The following EPRS1 variants were observed in gnomAD, a reference collection of about 807,000 sequenced individuals.
EPRS1 encodes glutamyl-prolyl-tRNA synthetase 1.
In EPRS1, 107 loss-of-function variants were observed where a neutral mutation model predicts 188.3. The observed-to-expected ratio is 0.57, with a 90% confidence interval of 0.49 to 0.67. EPRS1 has a LOEUF of 0.67. Among genes scored for constraint, EPRS1 ranks in the 30% least tolerant of loss-of-function variants. EPRS1 has a pLI of 0.00. For synonymous variants in EPRS1, 596 were observed against 593.1 expected (o/e 1.00, Z -0.07); for missense variants, 1,577 against 1,802.2 (o/e 0.88, Z 2.26).
chr1:219,991,581 T>A (rs949846048), intron 18 of EPRS1, among the ~76,000 whole-genome samples: 8 of 152,146 alleles, frequency 5.3e-5, no homozygotes, highest in Non-Finnish European at 1.0e-4. Context: ...CTAAGTAAAC[T>A]AGAAGTTCAC....
At chr1:219,982,173 A>G (rs1006856875) in intron 23 of EPRS1, among the ~76,000 whole-genome samples, 6 of 152,228 alleles carry the variant, frequency 3.9e-5, no homozygotes, top group Non-Finnish European at 8.8e-5. Context: ...CTACAGATGA[A>G]TGATCACTTT....
At chr1:220,009,604 T>C (rs1476970256) in intron 13 of EPRS1, among the ~76,000 whole-genome samples, 1 of 151,856 alleles carries the variant, frequency 6.6e-6, no homozygotes, top group Admixed American at 6.6e-5. Context: ...GAAGGATCAC[T>C]TGAGACCAAG....
chr1:219,988,524 C>T (rs1383941413), intron 19 of EPRS1, 66 bp downstream of exon 19: 1 of 1,085,666 alleles, frequency 9.2e-7, no homozygotes, highest in Non-Finnish European at 1.4e-6. Flanking sequence ...GCACAAAACA[C>T]TTGAGGCAAA....
At position 220,046,474 on chromosome 1, in the gene EPRS1, G is replaced by T. The variant is rs1291048859; in HGVS notation, c.-86C>A. On this transcript the variant is annotated 5_prime_UTR_variant, in exon 1 of 32. Coordinates refer to ENST00000366923, the MANE Select transcript of EPRS1 (RefSeq NM_004446.3). ...CCCCGCGAAAGGAAGAAGATGCAAC[G>T]TGTGCGCGTACCCGACGCCGCCGCA... is the stretch of plus-strand genomic sequence containing the variant. 3.8e-6 allele frequency: 6 copies of T among 1,568,114 alleles called. No homozygotes were observed. Among genetic ancestry groups the T allele is most frequent in the Non-Finnish European group, 5.2e-6 (6 of 1,158,514 alleles).
intron 18 of EPRS1, among the ~76,000 whole-genome samples, chr1:219,994,557 AGAC>A (rs1326118040): frequency 1.3e-5 from 2 of 152,052 alleles, no homozygotes; most frequent in Non-Finnish European, 2.9e-5. Flanking sequence ...GAAAAAATGA[AGAC>A]AACAACAACA....
In EPRS1 at chr1:220,006,290, G is replaced by A. The variant is rs928133148; in HGVS notation, c.1766C>T (p.Ser589Phe). ...IHKNADGKII[S>F]LDAKLNLENK... is the part of the protein sequence containing the mutation. ...TTCCAAATTCAACTTTGCATCAAGA[G>A]ATATGATTTTTCCATCTGCATTTCT... The change falls in exon 15 of 32, where the codon TCT becomes TTT. Residue 589 changes from serine (S) to phenylalanine (F), a missense_variant. Physicochemically the swap from Ser to Phe is radical, Grantham distance 155. This residue lies in a region of EPRS1 where 1,278 missense variants were observed against 1,457.4 expected (regional missense o/e 0.88). Coordinates refer to ENST00000366923, the MANE Select transcript of EPRS1 (RefSeq NM_004446.3). 2.6e-6 allele frequency: 4 copies of A among 1,563,454 alleles called. No individual in the cohort carries two copies. Among genetic ancestry groups the A allele is most frequent in the East Asian group, 4.6e-5 (2 of 43,144 alleles).
At chr1:219,990,449 C>T (rs2102570104) in intron 18 of EPRS1, among the ~76,000 whole-genome samples, 1 of 152,172 alleles carries the variant, frequency 6.6e-6, no homozygotes, top group Admixed American at 6.5e-5. Flanking sequence ...TAGTCTGTGC[C>T]AGACACTACA....
chr1:220,046,178 C>T (rs1662398707), intron 1 of EPRS1, among the ~76,000 whole-genome samples, 165 bp downstream of exon 1: 1 of 152,086 alleles, frequency 6.6e-6, no homozygotes, highest in Admixed American at 6.5e-5. Flanking sequence ...GGACACGGGG[C>T]GAGGGGTGCG....
chr1:219,973,750 C>T (rs1351507257), intron 28 of EPRS1, among the ~76,000 whole-genome samples: 1 of 152,164 alleles, frequency 6.6e-6, no homozygotes, highest in Non-Finnish European at 1.5e-5. Context: ...CTACAAGCCA[C>T]TGAGGGGATC....
At chr1:220,015,597 T>C (rs1169160215) in intron 12 of EPRS1, among the ~76,000 whole-genome samples, 1 of 152,182 alleles carries the variant, frequency 6.6e-6, no homozygotes, top group Admixed American at 6.5e-5. Context: ...GTTTCTAGAC[T>C]GGAAGTCACA....
In EPRS1 at chr1:220,022,399, T is replaced by C; in HGVS notation, c.1063A>G (p.Thr355Ala). 7 of 1,614,124 alleles carry C rather than the reference T, an allele frequency of 4.3e-6. No homozygotes were observed. The highest frequency in any genetic ancestry group is 1.1e-5 in the South Asian group (1 of 91,076). Residue 355 changes from threonine (T) to alanine (A), a missense_variant, in exon 9 of 32, where the codon ACC (threonine) becomes GCC (alanine). Coordinates refer to ENST00000366923, the MANE Select transcript of EPRS1 (RefSeq NM_004446.3). Reference protein sequence around the residue: ...SSNNGCMRDPTLYRCKIQPHP... With the variant: ...SSNNGCMRDPALYRCKIQPHP... Reference sequence around the variant, plus strand: ...GGTTGAATTTTGCAGCGATAAAGGGTTGGATCTCTCATGCATCCATTGTTA... The same window carrying C: ...GGTTGAATTTTGCAGCGATAAAGGGCTGGATCTCTCATGCATCCATTGTTA...
In EPRS1 at chr1:219,978,691, T is replaced by C. The variant is rs750549440; in HGVS notation, c.3938A>G (p.Asn1313Ser). ...QVVIIPCGITNALSEEDKEAL... is the reference protein window; with the variant it reads ...QVVIIPCGITSALSEEDKEAL... ...TTCTTTGTCTTCTTCAGAAAGTGCA[T>C]TGGTAATGCCACAAGGAATAATCAC... The change falls in exon 28 of 32, where the codon AAT (asparagine) becomes AGT (serine). Residue 1313 changes from asparagine to serine, a missense_variant. Physicochemically the swap from Asn to Ser is conservative, Grantham distance 46. This residue lies in a region of EPRS1 where 296 missense variants were observed against 327.9 expected (regional missense o/e 0.90). Transcript: ENST00000366923. 3.1e-6 allele frequency: 5 copies of C among 1,611,850 alleles called. No individual in the cohort carries two copies. The highest frequency in any genetic ancestry group is 1.3e-5 in the African/African-American group (1 of 74,908).
chr1:220,040,829 G>A (rs758449299), intron 1 of EPRS1, among the ~76,000 whole-genome samples: 10 of 142,514 alleles, frequency 7.0e-5, no homozygotes, highest in Non-Finnish European at 1.2e-4. Flanking sequence ...CAGCCTAGGT[G>A]ACAAGAGCAA....
intron 13 of EPRS1, among the ~76,000 whole-genome samples, chr1:220,010,252 A>C (rs923173403): frequency 2.0e-5 from 3 of 152,152 alleles, no homozygotes; most frequent in Non-Finnish European, 2.9e-5. Context: ...GTGACAGGGA[A>C]TACCCTAGTT....
intron 19 of EPRS1, among the ~76,000 whole-genome samples, chr1:219,988,145 G>A (rs1661040000): frequency 6.6e-6 from 1 of 152,140 alleles, no homozygotes; most frequent in Non-Finnish European, 1.5e-5. Flanking sequence ...CTCCTAAAAA[G>A]ATAACAGAAT....
In EPRS1 at chr1:220,005,452, C is replaced by T. The variant is rs561728873; in HGVS notation, c.1951-92G>A. ...CAAGCAGTTTCCACTAACTAAAATA[C>T]TCCCATTTTAAACAGATATGTTAAA... On this transcript the variant is annotated intron_variant, in intron 15 of 31. Coordinates refer to ENST00000366923, the MANE Select transcript of EPRS1 (RefSeq NM_004446.3). 2.8e-4 allele frequency: 173 copies of T among 623,912 alleles called. No individual in the cohort carries two copies. The African/African-American group carries it at 3.2e-3, about 11-fold the overall frequency. 38.6% of individuals were successfully genotyped at this position (623,912 alleles called of 1,614,324 possible). A position where few individuals can be genotyped will look rare whatever the true frequency, so the allele number is the denominator to read the frequency against.
At chr1:220,043,106 G>A (rs1334466068) in intron 1 of EPRS1, among the ~76,000 whole-genome samples, 2 of 152,102 alleles carry the variant, frequency 1.3e-5, no homozygotes, top group Non-Finnish European at 2.9e-5. Context: ...AAGATGAGTC[G>A]CTATTAGGTG....
At chr1:220,017,784 T>G (rs1661748683) in intron 12 of EPRS1, among the ~76,000 whole-genome samples, 1 of 151,540 alleles carries the variant, frequency 6.6e-6, no homozygotes, top group African/African-American at 2.4e-5. Context: ...GACTTTCAGT[T>G]AAGAAACAGT....
rs1254116398 is a variant in EPRS1, at chr1:220,024,328, A to G, written c.879T>C (p.Asp293=). ...CTGCTTTCATCTGTTCAGCAGGAGTATCATCCACATAAGCCTTCCCTTCTT... is the reference window on the plus strand; with the variant it reads ...CTGCTTTCATCTGTTCAGCAGGAGTGTCATCCACATAAGCCTTCCCTTCTT... ...LIQEGKAYVD[D]TPAEQMKAER... is the part of the protein sequence containing the mutation. The change falls in exon 8 of 32, where the codon GAT becomes GAC. Residue 293 remains aspartate (D), a synonymous_variant. Coordinates refer to ENST00000366923, the MANE Select transcript of EPRS1 (RefSeq NM_004446.3). 6.2e-7 allele frequency: 1 copy of G among 1,613,662 alleles called. No homozygotes were observed. Among genetic ancestry groups the G allele is most frequent in the Non-Finnish European group, 8.5e-7 (1 of 1,179,710 alleles).
Sources: allele counts gnomAD v4.1 joint callset (sites outside exome capture counted in the v4.1 genomes callset), GRCh38; gene constraint gnomAD v4.1.1; regional missense constraint gnomAD v4.1.1; transcripts MANE v1.5; gene names NCBI Gene and HGNC (gene_info 2026-07-23, HGNC 2026-07-21).